The following PLEKHA6 variants were observed in gnomAD, a reference collection of about 807,000 sequenced individuals.
PLEKHA6 encodes the protein pleckstrin homology domain containing A6, also known as pleckstrin homology domain-containing family A member 6.
PLEKHA6 carries 60 observed loss-of-function variants against 116.7 expected under a neutral mutation model. The ratio of observed to expected loss-of-function variants is 0.51; its 90% confidence interval spans 0.42 to 0.64. The LOEUF is 0.64. PLEKHA6 is among the 30% of genes least tolerant of loss of function. The pLI, the probability that PLEKHA6 is intolerant of heterozygous loss-of-function variation, is 0.00. For synonymous variants in PLEKHA6, 489 were observed against 556.1 expected (o/e 0.88, Z 1.70); for missense variants, 1,338 against 1,422.7 (o/e 0.94, Z 0.96).
At chr1:204,278,968 A>G (rs1668308632) in intron 1 of PLEKHA6, among the ~76,000 whole-genome samples, 1 of 152,092 alleles carries the variant, frequency 6.6e-6, no homozygotes. Context: ...CTTAAAATTA[A>G]TTACTTCCTC....
intron 14 of PLEKHA6, among the ~76,000 whole-genome samples, chr1:204,245,332 G>A (rs996415423): frequency 2.0e-5 from 3 of 152,138 alleles, no homozygotes; most frequent in Admixed American, 6.5e-5. Flanking sequence ...GGGCCCATGT[G>A]CTTGGGGGCT....
Position 204,228,286 on chromosome 1 carries a change from G to C in PLEKHA6, c.2886-58C>G, listed in dbSNP as rs1340090831. On this transcript the variant is annotated intron_variant, in intron 20 of 22. Coordinates refer to ENST00000272203, the MANE Select transcript of PLEKHA6 (RefSeq NM_014935.5). The surrounding 1 kb of genome is among the most constrained non-coding windows in gnomAD (Gnocchi z 4.0). ...AGGGACAGGATGGTCCAAGTGGCTT[G>C]AGGGGGCCTGCGGACTGAGGTTGGC... The C allele has an allele frequency of 2.0e-6, 3 of 1,517,644 alleles. No homozygotes were observed. Among genetic ancestry groups the C allele is most frequent in the Non-Finnish European group, 2.7e-6 (3 of 1,123,368 alleles). 94.0% of individuals were successfully genotyped at this position (1,517,644 alleles called of 1,614,324 possible). A position where few individuals can be genotyped will look rare whatever the true frequency, so the allele number is the denominator to read the frequency against.
At chr1:204,234,932 T>TTAATACTTAA (rs1299901717) in intron 17 of PLEKHA6, among the ~76,000 whole-genome samples, 1 of 134,522 alleles carries the variant, frequency 7.4e-6, no homozygotes, top group Non-Finnish European at 1.6e-5. Context: ...ATCATGTAAG[T>TTAATACTTAA]TAATACTTAA....
intron 3 of PLEKHA6, among the ~76,000 whole-genome samples, chr1:204,367,312 C>T (rs1464850901): frequency 6.6e-6 from 1 of 152,208 alleles, no homozygotes; most frequent in Non-Finnish European, 1.5e-5. Flanking sequence ...ACAAACCACC[C>T]CCAGAATCGC....
chr1:204,321,167 C>T (rs1054845341), intron 1 of PLEKHA6, among the ~76,000 whole-genome samples: 7 of 152,122 alleles, frequency 4.6e-5, no homozygotes, highest in Non-Finnish European at 1.0e-4. Flanking sequence ...CTGTCCACTA[C>T]ATAAAGCACC....
chr1:204,307,908 G>T, intron 1 of PLEKHA6: 1 of 984,806 alleles, frequency 1.0e-6, no homozygotes, highest in South Asian at 4.7e-5. Flanking sequence ...AGGGCAACAG[G>T]CAAGTCTGCA....
intron 21 of PLEKHA6, among the ~76,000 whole-genome samples, chr1:204,226,831 C>T (rs1660426921): frequency 6.6e-6 from 1 of 152,210 alleles, no homozygotes; most frequent in South Asian, 2.1e-4. Flanking sequence ...AGCAAAATGA[C>T]AAATGGTTTC....
chr1:204,326,481 G>A (rs1051485601), intron 1 of PLEKHA6, among the ~76,000 whole-genome samples: 4 of 152,160 alleles, frequency 2.6e-5, no homozygotes, highest in African/African-American at 9.7e-5. Context: ...ACAAGACTTT[G>A]CATGGCTGCC....
chr1:204,261,434 C>G lies in PLEKHA6; in HGVS notation c.396G>C (p.Gly132=). 6.2e-7 allele frequency: 1 copy of G among 1,611,360 alleles called. No homozygotes were observed. Reference sequence around the variant, plus strand: ...CGGCACTGAAGAAGTAGGTGCGGACCCCGGCATGCTCAGCCTGTGGGGAGA... The same window carrying G: ...CGGCACTGAAGAAGTAGGTGCGGACGCCGGCATGCTCAGCCTGTGGGGAGA... The part of the protein sequence containing the change: ...RKHTFKAEHA[G]VRTYFFSAES... The change falls in exon 7 of 23, where the codon GGG becomes GGC. Residue 132 remains glycine (G), a synonymous_variant. Transcript: ENST00000272203. The surrounding 1 kb of genome is among the most constrained non-coding windows in gnomAD (Gnocchi z 4.0).
chr1:204,302,412 A>G (rs2103093900), intron 1 of PLEKHA6, among the ~76,000 whole-genome samples: 1 of 152,324 alleles, frequency 6.6e-6, no homozygotes, highest in Admixed American at 6.5e-5. Flanking sequence ...TGCATGATTA[A>G]CGCCTTCTTC....
At chr1:204,245,770 G>A in intron 13 of PLEKHA6, 44 bp from the exon 14 acceptor site, 1 of 1,389,016 alleles carries the variant, frequency 7.2e-7, no homozygotes, top group Non-Finnish European at 1.0e-6. Context: ...GCCATGAGGA[G>A]TGTCCAGCCC....
At chr1:204,262,381 A>C (rs1186613692) in intron 6 of PLEKHA6, among the ~76,000 whole-genome samples, 1 of 152,180 alleles carries the variant, frequency 6.6e-6, no homozygotes, top group Non-Finnish European at 1.5e-5. Context: ...ACGGGAAAAG[A>C]GTCTGCCTGG....
At chr1:204,247,742 G>T (rs1478035153) in intron 12 of PLEKHA6, among the ~76,000 whole-genome samples, 1 of 152,126 alleles carries the variant, frequency 6.6e-6, no homozygotes, top group Non-Finnish European at 1.5e-5. Context: ...CAGATCAGCG[G>T]ATAAAAAGTA....
chr1:204,227,719 G>C (rs1031447331), intron 21 of PLEKHA6, among the ~76,000 whole-genome samples: 1 of 152,180 alleles, frequency 6.6e-6, no homozygotes, highest in Non-Finnish European at 1.5e-5. Flanking sequence ...CCCTGCAACT[G>C]AGAAATATTT....
chr1:204,340,201 G>A (rs1247414103), intron 1 of PLEKHA6, among the ~76,000 whole-genome samples: 1 of 152,182 alleles, frequency 6.6e-6, no homozygotes, highest in Non-Finnish European at 1.5e-5. Flanking sequence ...GATGGAGTGA[G>A]TGGGAGGGGG....
At chr1:204,305,990 T>C (rs1360168806) in intron 1 of PLEKHA6, among the ~76,000 whole-genome samples, 2 of 152,234 alleles carry the variant, frequency 1.3e-5, no homozygotes, top group Non-Finnish European at 2.9e-5. Context: ...TTCTGGATTA[T>C]ATCGACATTG....
intron 1 of PLEKHA6, among the ~76,000 whole-genome samples, chr1:204,317,915 A>G (rs1447018200): frequency 6.6e-6 from 1 of 152,206 alleles, no homozygotes; most frequent in Non-Finnish European, 1.5e-5. Flanking sequence ...TCCACCTCAT[A>G]TCATTATTGT....
At chr1:204,319,272 C>A (rs533024592) in intron 1 of PLEKHA6, among the ~76,000 whole-genome samples, 27 of 152,278 alleles carry the variant, frequency 1.8e-4, no homozygotes, top group African/African-American at 6.3e-4. Context: ...GGCTGTCAGT[C>A]TTATAGACTG....
intron 1 of PLEKHA6, among the ~76,000 whole-genome samples, chr1:204,279,083 C>T (rs11240714): frequency 6.6e-6 from 1 of 151,868 alleles, no homozygotes; most frequent in South Asian, 2.1e-4. Context: ...TTCAGTAGGA[C>T]GGGAAGAAAA....
Sources: gnomAD v4.1 joint callset for allele counts (sites outside exome capture counted in the v4.1 genomes callset) on GRCh38, gnomAD v4.1.1 for gene constraint, Gnocchi (gnomAD v3.1) non-coding constraint, MANE v1.5 for transcripts, NCBI Gene and HGNC (gene_info 2026-07-23, HGNC 2026-07-21) for gene names.